ACYP2: variants seen among roughly 807,000 people sequenced by gnomAD.
ACYP2 encodes the protein acylphosphatase-2.
A neutral mutation model predicts 11.2 loss-of-function variants in ACYP2; 12 were observed. The observed-to-expected ratio is 1.08, with a 90% CI of 0.69 to 1.74. The LOEUF (loss-of-function observed/expected upper bound fraction) is 1.74, where lower values mean the gene tolerates loss of function less well. Ranked by LOEUF, ACYP2 falls within the 40% of genes most tolerant of loss-of-function variation. The pLI is 0.00. For missense variants in ACYP2, 134 were observed against 101.9 expected (o/e 1.31, Z -1.35); for synonymous variants, 43 against 32.2 (o/e 1.33, Z -1.13).
chr2:54,002,930 G>A (rs540095623), intron 2 of ACYP2, among the ~76,000 whole-genome samples: 8 of 150,778 alleles, frequency 5.3e-5, no homozygotes, highest in African/African-American at 2.0e-4. Context: ...TTACAGGCGT[G>A]AGCCACCATG....
At chr2:54,056,538 T>C (rs921933328) in intron 3 of ACYP2, among the ~76,000 whole-genome samples, 5 of 152,230 alleles carry the variant, frequency 3.3e-5, no homozygotes, top group African/African-American at 1.2e-4. Flanking sequence ...GTAAAATAAG[T>C]ATCAAATGGA....
intron 4 of ACYP2, among the ~76,000 whole-genome samples, chr2:54,129,883 AATG>A (rs1473728804): frequency 1.0e-4 from 15 of 148,400 alleles, no homozygotes; most frequent in African/African-American, 2.0e-4. Context: ...TAATATTATT[AATG>A]ATATTATATT....
At chr2:54,107,180 C>T (rs1679211912) in intron 4 of ACYP2, among the ~76,000 whole-genome samples, 1 of 152,116 alleles carries the variant, frequency 6.6e-6, no homozygotes. Context: ...GAGCGCTAGA[C>T]ATGTTCTTTT....
chr2:54,079,204 G>T (rs1408317118), intron 4 of ACYP2, among the ~76,000 whole-genome samples: 1 of 152,158 alleles, frequency 6.6e-6, no homozygotes, highest in African/African-American at 2.4e-5. Context: ...TCTAAGGTGT[G>T]CTCATGTCTT....
In ACYP2 at chr2:54,304,218, C is replaced by CTGTGTG. The variant is rs10531789; in HGVS notation, c.405-444_405-439dup. ...TGGATCTCTTTCATTATATATATGT[C>CTGTGTG]TGTGTGTGTGTGTGTGTGTGTGTGT... is the stretch of plus-strand genomic sequence containing the variant. On this transcript the variant is annotated intron_variant, in intron 6 of 6. Coordinates refer to ENST00000607452, the MANE Select transcript of ACYP2 (RefSeq NM_001320586.2). Among the ~76,000 whole-genome samples the CTGTGTG allele has an allele frequency of 9.2e-4, 138 of 149,374 alleles. 1 individual carries two copies. The highest frequency in any genetic ancestry group is 2.6e-3 in the African/African-American group (106 of 40,744).
intron 4 of ACYP2, among the ~76,000 whole-genome samples, chr2:54,059,513 G>A (rs373395838): frequency 4.1e-4 from 62 of 152,180 alleles, no homozygotes; most frequent in African/African-American, 1.3e-3. Flanking sequence ...TGCACGGCGA[G>A]CATCTTATTA....
chr2:53,985,435 C>T (rs546149312), intron 2 of ACYP2, among the ~76,000 whole-genome samples: 1 of 152,180 alleles, frequency 6.6e-6, no homozygotes, highest in East Asian at 1.9e-4. Flanking sequence ...CATGTTCTCA[C>T]TTCAGGACCC....
chr2:54,087,408 C>T (rs533124472), intron 4 of ACYP2, among the ~76,000 whole-genome samples: 19 of 152,022 alleles, frequency 1.2e-4, no homozygotes, highest in African/African-American at 4.6e-4. Context: ...ATTACAGTGG[C>T]GCCATCATGG....
chr2:54,090,560 G>A (rs548410907), intron 4 of ACYP2, among the ~76,000 whole-genome samples: 15 of 152,332 alleles, frequency 9.8e-5, no homozygotes, highest in African/African-American at 3.6e-4. Flanking sequence ...GAAACCGGGA[G>A]GTGGAGTTTG....
intron 2 of ACYP2, among the ~76,000 whole-genome samples, chr2:53,998,809 AAAAAG>A (rs1274746807): frequency 6.6e-6 from 1 of 152,076 alleles, no homozygotes; most frequent in Admixed American, 6.6e-5. Context: ...GGGTTTAAAA[AAAAAG>A]AAAAGAAAAA....
At chr2:54,279,189 C>T (rs1341532646) in intron 6 of ACYP2, among the ~76,000 whole-genome samples, 3 of 152,206 alleles carry the variant, frequency 2.0e-5, no homozygotes, top group African/African-American at 4.8e-5. Flanking sequence ...TCGTGGAGAT[C>T]GTTTAGACCA....
At chr2:54,145,920 A>G (rs1014580794) in intron 6 of ACYP2, among the ~76,000 whole-genome samples, 2 of 152,190 alleles carry the variant, frequency 1.3e-5, no homozygotes, top group African/African-American at 2.4e-5. Context: ...TTGCTACACA[A>G]CTGTCACTCT....
intron 2 of ACYP2, among the ~76,000 whole-genome samples, chr2:53,974,638 T>G (rs981153498): frequency 2.0e-5 from 3 of 152,190 alleles, no homozygotes; most frequent in African/African-American, 7.2e-5. Flanking sequence ...TAATACTGTT[T>G]AGTGGCCCAG....
At chr2:54,167,377 A>G (rs555226407) in intron 6 of ACYP2, among the ~76,000 whole-genome samples, 229 of 152,330 alleles carry the variant, frequency 1.5e-3, no homozygotes, top group Non-Finnish European at 2.3e-3. Context: ...TACATTTATA[A>G]TCATATCTGA....
chr2:54,118,785 G>T (rs1053656122), intron 4 of ACYP2, among the ~76,000 whole-genome samples: 1 of 152,200 alleles, frequency 6.6e-6, no homozygotes, highest in African/African-American at 2.4e-5. Flanking sequence ...AAATGGAAGA[G>T]AGTACATGCC....
chr2:54,277,166 T>G (rs747899136), intron 6 of ACYP2, among the ~76,000 whole-genome samples: 4 of 152,188 alleles, frequency 2.6e-5, no homozygotes, highest in Non-Finnish European at 5.9e-5. Context: ...TGAATCAAAG[T>G]GCATGCTCAT....
rs537673654 is a variant in ACYP2, at chr2:54,066,321, C to T, written c.277+8961C>T. On this transcript the variant is annotated intron_variant, in intron 4 of 6. Transcript: ENST00000607452. ...TTTAAGACATGCCTTGCTTCCCCTTCGCCTTCTGCCATGATTGTAAGTTTC... is the reference window on the plus strand; with the variant it reads ...TTTAAGACATGCCTTGCTTCCCCTTTGCCTTCTGCCATGATTGTAAGTTTC... Among the ~76,000 whole-genome samples, 88 of 152,330 alleles carry T rather than the reference C, an allele frequency of 5.8e-4. 1 individual carries two copies. Among genetic ancestry groups the T allele is most frequent in the African/African-American group, 1.9e-3 (81 of 41,582 alleles).
At chr2:54,188,830 T>C (rs1180787694) in intron 6 of ACYP2, among the ~76,000 whole-genome samples, 2 of 152,148 alleles carry the variant, frequency 1.3e-5, no homozygotes, top group South Asian at 2.1e-4. Flanking sequence ...AGCACTGGCG[T>C]AGGCTTCACA....
At chr2:54,143,653 C>T (rs747277446) in intron 6 of ACYP2, among the ~76,000 whole-genome samples, 3 of 148,834 alleles carry the variant, frequency 2.0e-5, no homozygotes, top group Non-Finnish European at 4.4e-5. Context: ...AGGCTGGCCT[C>T]GAACTCCTGA....
Sources: gnomAD v4.1 joint callset for allele counts (sites outside exome capture counted in the v4.1 genomes callset) on GRCh38, gnomAD v4.1.1 for gene constraint, MANE v1.5 for transcripts, NCBI Gene and HGNC (gene_info 2026-07-23, HGNC 2026-07-21) for gene names.